Variants in RTKN observed in about 807,000 individuals in gnomAD.
RTKN encodes the protein rhotekin.
Under a neutral mutation model 63.5 loss-of-function variants are expected in RTKN, and 49 were observed. That is an observed-to-expected ratio of 0.77 (90% confidence interval 0.61 to 0.98). The LOEUF is 0.98. Among genes scored for constraint, RTKN ranks in the 50% least tolerant of loss-of-function variants. The probability of loss-of-function intolerance (pLI) is 0.00; values close to 1 mark genes in which losing one functional copy is unlikely to be tolerated. For missense variants in RTKN, 685 were observed against 740.8 expected, an observed-to-expected ratio of 0.92 and a Z score of 0.87; for synonymous variants, 295 against 290.4, an observed-to-expected ratio of 1.02 and a Z score of -0.16.
chr2:74,432,291 C>T (rs547037382), intron 2 of RTKN, 176 bp downstream of exon 2: 10 of 733,768 alleles, frequency 1.4e-5, no homozygotes, highest in South Asian at 8.7e-5. Flanking sequence ...CTCACAAATG[C>T]GCCTCTGGGC....
At chr2:74,439,617 C>T in intron 1 of RTKN, 1 of 1,614,062 alleles carries the variant, frequency 6.2e-7, no homozygotes, top group Non-Finnish European at 8.5e-7. Flanking sequence ...GCAATCTGTC[C>T]TGCATCTCTG....
At chr2:74,433,485 T>G (rs906152289) in intron 1 of RTKN, among the ~76,000 whole-genome samples, 1 of 149,936 alleles carries the variant, frequency 6.7e-6, no homozygotes, top group Non-Finnish European at 1.5e-5. Flanking sequence ...AAATATTCAG[T>G]GCGGCATTTT....
rs373997918 is a variant in RTKN at position 74,432,468 on chromosome 2, G to A, written c.310C>T (p.Arg104Trp). The A allele has an allele frequency of 9.3e-6, 15 of 1,607,854 alleles. No individual in the cohort carries two copies. The highest frequency in any genetic ancestry group is 1.3e-5 in the Non-Finnish European group (15 of 1,179,852). ...AGGCCTCGTCTCCCCCTTGCTCACC[G>A]CCGGCTTGTCTTCCCCAGCACCTGC... ...EAQVLGKTSR[R>W]PSDSGPPAER... is the part of the protein sequence containing the mutation. The change falls in exon 2 of 12, where the codon CGG becomes TGG. Residue 104 changes from arginine to tryptophan, a missense_variant and splice_region_variant. By Grantham distance (101) the Arg-to-Trp change is moderately radical. Coordinates refer to ENST00000272430, the MANE Select transcript of RTKN (RefSeq NM_001015055.2).
chr2:74,432,578 T>C lies in RTKN; in HGVS notation c.200A>G (p.Gln67Arg), dbSNP rs1030332273. Residue 67 changes from glutamine to arginine, a missense_variant, in exon 2 of 12, where the codon CAG becomes CGG. Transcript: ENST00000272430. ...KLLAACSQRE[Q>R]ALEATKSLLV... ...CAGGCTCTTGGTGGCCTCCAGAGCC[T>C]GCTCTCGCTGGGAGCAGGCTGCCAG... 1 of 1,614,116 alleles carries C rather than the reference T, an allele frequency of 6.2e-7. No individual in the cohort carries two copies. Among genetic ancestry groups the C allele is most frequent in the African/African-American group, 1.3e-5 (1 of 75,062 alleles).
chr2:74,437,092 T>TC (rs1402353137), intron 1 of RTKN, among the ~76,000 whole-genome samples: 1 of 152,114 alleles, frequency 6.6e-6, no homozygotes, highest in African/African-American at 2.4e-5. Context: ...TACCCTTTTT[T>TC]CCCTTCAGAA....
chr2:74,432,505 C>T lies in RTKN; in HGVS notation c.273G>A (p.Arg91=). 6.2e-7 allele frequency: 1 copy of T among 1,613,008 alleles called. No homozygotes were observed. The highest frequency in any genetic ancestry group is 8.5e-7 in the Non-Finnish European group (1 of 1,180,032). Residue 91 remains arginine (R), a synonymous_variant, in exon 2 of 12, where the codon CGG becomes CGA. Coordinates refer to ENST00000272430, the MANE Select transcript of RTKN (RefSeq NM_001015055.2). ...TCCCCAGCACCTGCGCCTCCTTGCGCCGCTGCAGCTCGCCCATGTAGCTGA... is the reference window on the plus strand; with the variant it reads ...TCCCCAGCACCTGCGCCTCCTTGCGTCGCTGCAGCTCGCCCATGTAGCTGA... ...RILSYMGELQ[R]RKEAQVLGKT...
At chr2:74,429,306 A>G (rs1178351267) in intron 6 of RTKN, among the ~76,000 whole-genome samples, 2 of 152,068 alleles carry the variant, frequency 1.3e-5, no homozygotes, top group South Asian at 2.1e-4. Flanking sequence ...TCACTACCCA[A>G]AGGTTCTCAA....
In RTKN at chr2:74,432,677, T is replaced by G; in HGVS notation, c.112-11A>C. The G allele has an allele frequency of 6.2e-7, 1 of 1,613,562 alleles. No homozygotes were observed. The highest frequency in any genetic ancestry group is 8.5e-7 in the Non-Finnish European group (1 of 1,179,662). On this transcript the variant is annotated splice_polypyrimidine_tract_variant and intron_variant, in intron 1 of 11. Transcript: ENST00000272430. ...CTGCAACTCCGTGTCCTAGCCAGGG[T>G]TGGGGGAAGGGTGAGAAGGAAATGT...
At chr2:74,429,747 C>T (rs1670625831) in intron 6 of RTKN, 81 bp downstream of exon 6, 1 of 1,335,486 alleles carries the variant, frequency 7.5e-7, no homozygotes. Flanking sequence ...AAAATGGGTT[C>T]TGCACACTCA....
chr2:74,434,838 C>T (rs1242735572), intron 1 of RTKN, among the ~76,000 whole-genome samples: 1 of 152,168 alleles, frequency 6.6e-6, no homozygotes, highest in Admixed American at 6.5e-5. Context: ...ATAAGAATCT[C>T]TAGGAGTGGG....
At position 74,441,849 on chromosome 2, in the gene RTKN, C is replaced by G. The variant is rs753911907; in HGVS notation, c.-33G>C. ...GCCCTGCGACTTTGCCTGCTCAGTGCGCTCCCCGCGCCGCCCGGCTTAGCC... is the reference window on the plus strand; with the variant it reads ...GCCCTGCGACTTTGCCTGCTCAGTGGGCTCCCCGCGCCGCCCGGCTTAGCC... On this transcript the variant is annotated 5_prime_UTR_variant, in exon 1 of 12. Transcript: ENST00000272430. 7.2e-7 allele frequency: 1 copy of G among 1,386,072 alleles called. No individual in the cohort carries two copies. The highest frequency in any genetic ancestry group is 1.4e-5 in the African/African-American group (1 of 70,918). The allele number at this position is 1,386,072 out of a possible 1,614,324, so 85.9% of individuals were successfully genotyped here. A position where few individuals can be genotyped will look rare whatever the true frequency, so the allele number is the denominator to read the frequency against.
intron 9 of RTKN, 143 bp downstream of exon 9, chr2:74,428,125 G>A (rs1266408497): frequency 1.6e-5 from 16 of 1,007,962 alleles, no homozygotes; most frequent in Non-Finnish European, 2.2e-5. Context: ...GGAAAATACG[G>A]GCCCCTGAAG....
At chr2:74,441,412 G>A (rs1229947237) in intron 1 of RTKN, among the ~76,000 whole-genome samples, 4 of 152,338 alleles carry the variant, frequency 2.6e-5, no homozygotes, top group African/African-American at 9.6e-5. Context: ...AAGACATTTT[G>A]GGGTTCAGGC....
At chr2:74,427,657 A>G in intron 9 of RTKN, 65 bp from the exon 10 acceptor site, 1 of 1,524,466 alleles carries the variant, frequency 6.6e-7, no homozygotes, top group Non-Finnish European at 9.0e-7. Flanking sequence ...GGCAGCCTTG[A>G]TCACGCCTGC....
chr2:74,439,821 T>A, intron 1 of RTKN: 1 of 1,399,870 alleles, frequency 7.1e-7, no homozygotes, highest in Non-Finnish European at 9.3e-7. Context: ...CAAATTTTCC[T>A]CGCCCACTGC....
intron 1 of RTKN, 46 bp from the exon 2 acceptor site, chr2:74,432,712 G>A: frequency 1.3e-6 from 2 of 1,583,332 alleles, no homozygotes; most frequent in African/African-American, 1.3e-5. Context: ...TCAGTCAGTG[G>A]ACAGGCTAAA....
In RTKN at chr2:74,426,445, G is replaced by A. The variant is rs765841258; in HGVS notation, c.1490C>T (p.Ser497Leu). Residue 497 changes from serine to leucine, a missense_variant, in exon 12 of 12, where the codon TCG becomes TTG. Coordinates refer to ENST00000272430, the MANE Select transcript of RTKN (RefSeq NM_001015055.2). ...TDQPALPNPC[S>L]PASVAPAPDW... ...TGGGGCTGGGGCCACTGAGGCAGGC[G>A]AGCAGGGGTTAGGCAGGGCAGGCTG... is the stretch of plus-strand genomic sequence containing the variant. 1.3e-5 allele frequency: 21 copies of A among 1,612,312 alleles called. No homozygotes were observed. Among genetic ancestry groups the A allele is most frequent in the Middle Eastern group, 3.3e-4 (2 of 6,042 alleles).
chr2:74,430,045 G>A lies in RTKN; in HGVS notation c.546-8C>T. Reference sequence around the variant, plus strand: ...TCTGGCCCCGCCTCAGCGCTGGTGGGAGGAAGAAAGGAGGGTGGTCACAGG... The same window carrying A: ...TCTGGCCCCGCCTCAGCGCTGGTGGAAGGAAGAAAGGAGGGTGGTCACAGG... On this transcript the variant is annotated splice_polypyrimidine_tract_variant and splice_region_variant and intron_variant, in intron 5 of 11. Transcript: ENST00000272430. 5 of 1,613,920 alleles carry A rather than the reference G, an allele frequency of 3.1e-6. No homozygotes were observed. The South Asian group carries it at 4.4e-5, about 14-fold the overall frequency.
Position 74,439,768 on chromosome 2 carries a change from C to T in RTKN, c.111+1938G>A, listed in dbSNP as rs550474176. The T allele has an allele frequency of 2.5e-5, 37 of 1,492,184 alleles. No individual in the cohort carries two copies. In the East Asian group the frequency reaches 8.7e-4, roughly 35 times the overall value. The allele number at this position is 1,492,184 out of a possible 1,614,324, so 92.4% of individuals were successfully genotyped here. ...TCTTGGGCAGAGGGCAGAAGCTGCC[C>T]TTATCCCTCTGCACTCCTGTTAAAC... On this transcript the variant is annotated intron_variant, in intron 1 of 11. Transcript: ENST00000272430.
Sources: allele counts gnomAD v4.1 joint callset (sites outside exome capture counted in the v4.1 genomes callset), GRCh38; gene constraint gnomAD v4.1.1; transcripts MANE v1.5; gene names NCBI Gene and HGNC (gene_info 2026-07-23, HGNC 2026-07-21).